Variants in RIN3 observed in about 807,000 individuals in gnomAD.
The protein encoded by RIN3 is RAB5 interacting protein 3.
In RIN3, 54 loss-of-function variants were observed where a neutral mutation model predicts 76.3. The ratio of observed to expected loss-of-function variants is 0.71; its 90% CI spans 0.57 to 0.89. RIN3 has a LOEUF of 0.89. Ranked by LOEUF, RIN3 falls within the 40% of genes least tolerant of loss-of-function variation. RIN3 has a pLI of 0.00. For missense variants in RIN3, 1,256 were observed against 1,322.1 expected, an observed-to-expected ratio of 0.95 and a Z score of 0.78; for synonymous variants, 576 against 564.0, an observed-to-expected ratio of 1.02 and a Z score of -0.30.
intron 3 of RIN3, among the ~76,000 whole-genome samples, chr14:92,606,774 A>G (rs8014738): frequency 0.5 from 76,516 of 152,032 alleles, 20,147 homozygotes; most frequent in Admixed American, 0.61. Flanking sequence ...TGACAAGGGC[A>G]TGGAGAAATT....
At chr14:92,555,662 A>G (rs1196812878) in intron 1 of RIN3, 89 bp from the exon 2 acceptor site, 7 of 1,250,306 alleles carry the variant, frequency 5.6e-6, no homozygotes, top group Non-Finnish European at 8.2e-6. Context: ...ATGCTGAATA[A>G]GTAAGCGTGG....
intron 1 of RIN3, among the ~76,000 whole-genome samples, chr14:92,521,458 G>A (rs1896595067): frequency 6.6e-6 from 1 of 152,194 alleles, no homozygotes; most frequent in Admixed American, 6.5e-5. Context: ...TTAGGGTCAT[G>A]GGGGCAGATC....
intron 1 of RIN3, among the ~76,000 whole-genome samples, chr14:92,538,301 TC>T (rs1331668525): frequency 3.9e-5 from 6 of 152,246 alleles, no homozygotes; most frequent in African/African-American, 1.4e-4. Context: ...TATATATTAT[TC>T]CATTGTTTGT....
intron 4 of RIN3, among the ~76,000 whole-genome samples, chr14:92,621,014 C>A (rs1886157485): frequency 6.6e-6 from 1 of 152,060 alleles, no homozygotes; most frequent in African/African-American, 2.4e-5. Context: ...CTGGGCCGGG[C>A]ACGGTTGCTC....
intron 9 of RIN3, chr14:92,686,356 A>G (rs953039993): frequency 6.6e-6 from 1 of 152,256 alleles, no homozygotes; most frequent in Admixed American, 6.5e-5. Context: ...TCTGGGGAGA[A>G]AACAAAAGCT....
chr14:92,562,794 C>T (rs572219609), intron 2 of RIN3, among the ~76,000 whole-genome samples: 13 of 152,262 alleles, frequency 8.5e-5, no homozygotes, highest in South Asian at 6.2e-4. Context: ...AAGAAGCCGT[C>T]GTTCCTTTTA....
chr14:92,572,009 G>A (rs1432113782), intron 2 of RIN3, among the ~76,000 whole-genome samples: 1 of 152,226 alleles, frequency 6.6e-6, no homozygotes, highest in Non-Finnish European at 1.5e-5. Flanking sequence ...TAGAGCAGGA[G>A]TGAAAGTTTA....
Position 92,649,454 on chromosome 14 carries a change from T to C in RIN3, c.533-2128T>C, listed in dbSNP as rs188241235. Among the ~76,000 whole-genome samples the C allele has an allele frequency of 6.6e-5, 10 of 152,212 alleles. No homozygotes were observed. In the East Asian group the frequency reaches 1.9e-3, roughly 30 times the overall value. On this transcript the variant is annotated intron_variant, in intron 5 of 9. Transcript: ENST00000216487. ...CTCACTCCAGGGGCCTGTGTAGACA[T>C]GGGCACAGTGCTTCAAACACTCACT... is the stretch of plus-strand genomic sequence containing the variant.
intron 3 of RIN3, among the ~76,000 whole-genome samples, chr14:92,609,843 C>CTG (rs34350495): frequency 0.016 from 2,254 of 138,462 alleles, 36 homozygotes; most frequent in East Asian, 0.074. Flanking sequence ...GAAATTCAGT[C>CTG]TGTGTGTGTG....
chr14:92,525,676 G>A lies in RIN3; in HGVS notation c.44+11700G>A, dbSNP rs190601086. 1.2e-3 allele frequency among the ~76,000 whole-genome samples: 180 copies of A among 152,260 alleles called. 1 individual carries two copies. The highest frequency in any genetic ancestry group is 4.0e-3 in the African/African-American group (166 of 41,542). Reference sequence around the variant, plus strand: ...CCAGCCACAGGAACAGTGCAGGGTCGGCCACAGTGTTGGGGAGGTGCCAAA... The same window carrying A: ...CCAGCCACAGGAACAGTGCAGGGTCAGCCACAGTGTTGGGGAGGTGCCAAA... On this transcript the variant is annotated intron_variant, in intron 1 of 9. Coordinates refer to ENST00000216487, the MANE Select transcript of RIN3 (RefSeq NM_024832.5).
At chr14:92,551,477 C>T (rs1279980979) in intron 1 of RIN3, among the ~76,000 whole-genome samples, 3 of 152,078 alleles carry the variant, frequency 2.0e-5, no homozygotes, top group Non-Finnish European at 2.9e-5. Flanking sequence ...GGAGTGGAAT[C>T]GCTGGGCCAT....
In RIN3 at chr14:92,623,610, G is replaced by A. The variant is rs371266854; in HGVS notation, c.440+8131G>A. ...GCCTCTCTTGTTTTACGGCGTTGTG[G>A]TTTCTTTTTTTCTGGTTGTTGAAAT... On this transcript the variant is annotated intron_variant, in intron 4 of 9. Transcript: ENST00000216487. The surrounding 1 kb of genome is among the most constrained non-coding windows in gnomAD (Gnocchi z 4.9). Among the ~76,000 whole-genome samples, 74 of 152,260 alleles carry A rather than the reference G, an allele frequency of 4.9e-4. No homozygotes were observed. The highest frequency in any genetic ancestry group is 1.7e-3 in the African/African-American group (70 of 41,540).
intron 4 of RIN3, among the ~76,000 whole-genome samples, chr14:92,625,214 G>A (rs1329556155): frequency 6.6e-6 from 1 of 152,152 alleles, no homozygotes; most frequent in Non-Finnish European, 1.5e-5. Flanking sequence ...GGGGCAGTTC[G>A]GATCCTGAGT....
intron 3 of RIN3, among the ~76,000 whole-genome samples, chr14:92,607,867 C>G (rs1022130464): frequency 6.6e-6 from 1 of 152,122 alleles, no homozygotes; most frequent in Admixed American, 6.5e-5. Context: ...TGTTGATTCA[C>G]GGAACAACTT....
At chr14:92,516,617 G>GC (rs374303463) in intron 1 of RIN3, among the ~76,000 whole-genome samples, 68 of 152,160 alleles carry the variant, frequency 4.5e-4, no homozygotes, top group East Asian at 1.7e-3. Context: ...CTGCTCTCCT[G>GC]CCCCCCCACC....
chr14:92,687,612 GGAAT>G (rs769566189), intron 9 of RIN3: 392 of 411,704 alleles, frequency 9.5e-4, no homozygotes, highest in East Asian at 1.6e-3. Flanking sequence ...AGGGAGGGAG[GGAAT>G]GAATGAATGA....
At chr14:92,549,990 G>A (rs184962859) in intron 1 of RIN3, among the ~76,000 whole-genome samples, 64 of 152,328 alleles carry the variant, frequency 4.2e-4, no homozygotes, top group African/African-American at 1.5e-3. Flanking sequence ...GGAGGGCGTG[G>A]GTGTCAGAGT....
chr14:92,688,248 T>C lies in RIN3; in HGVS notation c.2954T>C (p.Leu985Pro), dbSNP rs1416582164. Reference protein sequence around the residue: ...PCLVVREPNFL With the variant: ...PCLVVREPNFP Reference sequence around the variant, plus strand: ...CTGGTGGTGCGGGAGCCCAACTTCCTGTGAGGCCCTCCCGGGGCGCCTCCC... The same window carrying C: ...CTGGTGGTGCGGGAGCCCAACTTCCCGTGAGGCCCTCCCGGGGCGCCTCCC... The change falls in exon 10 of 10, where the codon CTG (leucine) becomes CCG (proline). Residue 985 changes from leucine (L) to proline (P), a missense_variant. This residue lies in a region of RIN3 where 218 missense variants were observed against 174.5 expected (regional missense o/e 1.25). Coordinates refer to ENST00000216487, the MANE Select transcript of RIN3 (RefSeq NM_024832.5). The C allele has an allele frequency of 4.4e-6, 7 of 1,582,566 alleles. No individual in the cohort carries two copies. The African/African-American group carries it at 8.1e-5, about 18-fold the overall frequency.
At position 92,526,284 on chromosome 14, in the gene RIN3, C is replaced by T. The variant is rs574506013; in HGVS notation, c.44+12308C>T. Among the ~76,000 whole-genome samples, 6 of 151,780 alleles carry T rather than the reference C, an allele frequency of 4.0e-5. No individual in the cohort carries two copies. In the South Asian group the frequency reaches 1.0e-3, roughly 26 times the overall value. On this transcript the variant is annotated intron_variant, in intron 1 of 9. Transcript: ENST00000216487. ...CAGCCTGGGCAACATGGCGAAACCC[C>T]GTCTCTACTAAAAAATTTTTTAAAA...
Sources: allele counts gnomAD v4.1 joint callset (sites outside exome capture counted in the v4.1 genomes callset), GRCh38; gene constraint gnomAD v4.1.1; regional missense constraint gnomAD v4.1.1; non-coding constraint Gnocchi (gnomAD v3.1); transcripts MANE v1.5; gene names NCBI Gene and HGNC (gene_info 2026-07-23, HGNC 2026-07-21).